The following KCNIP4 variants were observed in gnomAD, a reference collection of about 807,000 sequenced individuals.
The protein encoded by KCNIP4 is potassium voltage-gated channel interacting protein 4, also known as Kv channel-interacting protein 4.
In KCNIP4, 12 loss-of-function variants were observed where a neutral mutation model predicts 34.0. The ratio of observed to expected loss-of-function variants is 0.35; its 90% CI spans 0.23 to 0.57. The LOEUF is 0.57. KCNIP4 is among the 20% of genes least tolerant of loss of function. KCNIP4 has a pLI of 0.83. For missense variants in KCNIP4, 238 were observed against 311.7 expected (o/e 0.76, Z 1.78); for synonymous variants, 124 against 102.2 (o/e 1.21, Z -1.29).
intron 1 of KCNIP4, among the ~76,000 whole-genome samples, chr4:21,312,792 C>T (rs934297105): frequency 7.2e-5 from 11 of 152,122 alleles, no homozygotes; most frequent in African/African-American, 2.7e-4. Context: ...TGTGAATGAT[C>T]CCACACTTTT....
chr4:21,765,039 T>C lies in KCNIP4; in HGVS notation c.61+183532A>G, dbSNP rs151241118. Among the ~76,000 whole-genome samples, 298 of 152,190 alleles carry C rather than the reference T, an allele frequency of 2.0e-3. 1 individual carries two copies. The highest frequency in any genetic ancestry group is 6.6e-3 in the African/African-American group (273 of 41,532). ...CCTAGTGTTTCCTCCCCAAATTAAA[T>C]TGAGCTACTCTCAGGGAGTATACAC... On this transcript the variant is annotated intron_variant, in intron 1 of 8. Coordinates refer to ENST00000382152, the MANE Select transcript of KCNIP4 (RefSeq NM_025221.6).
chr4:21,458,115 G>C (rs1263673131), intron 1 of KCNIP4, among the ~76,000 whole-genome samples: 8 of 149,654 alleles, frequency 5.3e-5, no homozygotes, highest in African/African-American at 2.0e-4. Flanking sequence ...CTAGCATTAG[G>C]TATATCTCCC....
chr4:21,694,713 T>C (rs901557931), intron 1 of KCNIP4, among the ~76,000 whole-genome samples: 4 of 151,994 alleles, frequency 2.6e-5, no homozygotes, highest in African/African-American at 9.7e-5. Context: ...CTGTAACTTG[T>C]GATAACACTA....
intron 1 of KCNIP4, among the ~76,000 whole-genome samples, chr4:21,272,959 C>T (rs1578001018): frequency 6.6e-6 from 1 of 152,070 alleles, no homozygotes; most frequent in African/African-American, 2.4e-5. Context: ...TGAGATGAAG[C>T]ATTTTAGTGG....
chr4:21,103,235 C>A (rs924756970), intron 1 of KCNIP4, among the ~76,000 whole-genome samples: 1 of 149,642 alleles, frequency 6.7e-6, no homozygotes, highest in South Asian at 2.1e-4. Flanking sequence ...TTTCTTGATC[C>A]ATCAAAGTTA....
chr4:21,085,811 A>G (rs1195939295), intron 1 of KCNIP4, among the ~76,000 whole-genome samples: 1 of 152,218 alleles, frequency 6.6e-6, no homozygotes, highest in Non-Finnish European at 1.5e-5. Flanking sequence ...GTTCACACGT[A>G]TGCTAGGACA....
At chr4:20,810,054 GT>G (rs1273297210) in intron 3 of KCNIP4, among the ~76,000 whole-genome samples, 1 of 152,184 alleles carries the variant, frequency 6.6e-6, no homozygotes, top group Non-Finnish European at 1.5e-5. Context: ...TCAGGCCAAG[GT>G]GAGCACTCTG....
chr4:21,510,937 G>A (rs1231419078), intron 1 of KCNIP4, among the ~76,000 whole-genome samples: 1 of 152,120 alleles, frequency 6.6e-6, no homozygotes, highest in Non-Finnish European at 1.5e-5. Context: ...CCAGCTACTA[G>A]GGAGGCTGAG....
chr4:21,283,050 C>A (rs1357864744), intron 1 of KCNIP4, among the ~76,000 whole-genome samples: 2 of 152,032 alleles, frequency 1.3e-5, no homozygotes, highest in African/African-American at 4.8e-5. Flanking sequence ...GTCACAAATG[C>A]TAAGTAAAAA....
At chr4:21,207,714 C>T (rs1756939250) in intron 1 of KCNIP4, among the ~76,000 whole-genome samples, 1 of 152,086 alleles carries the variant, frequency 6.6e-6, no homozygotes, top group Non-Finnish European at 1.5e-5. Context: ...TAAAGCAATA[C>T]ACCTCTTAAA....
intron 3 of KCNIP4, among the ~76,000 whole-genome samples, chr4:20,810,378 G>A (rs1478056411): frequency 6.7e-6 from 1 of 149,896 alleles, no homozygotes; most frequent in Non-Finnish European, 1.5e-5. Flanking sequence ...AAGGCAATAT[G>A]TTTTAGTGGG....
At chr4:21,482,212 C>T (rs1335927727) in intron 1 of KCNIP4, among the ~76,000 whole-genome samples, 3 of 152,048 alleles carry the variant, frequency 2.0e-5, no homozygotes, top group African/African-American at 7.2e-5. Context: ...TGTCTCTGCA[C>T]GTGAGATGGG....
chr4:21,519,748 C>CGTGT (rs1194087726), intron 1 of KCNIP4, among the ~76,000 whole-genome samples: 1 of 114,730 alleles, frequency 8.7e-6, no homozygotes, highest in South Asian at 3.2e-4. Context: ...ATGATACACA[C>CGTGT]GTGTGTGTAT....
At chr4:20,927,191 C>G (rs954759894) in intron 1 of KCNIP4, among the ~76,000 whole-genome samples, 26 of 152,138 alleles carry the variant, frequency 1.7e-4, no homozygotes, top group African/African-American at 6.3e-4. Context: ...ATTGGCCAGG[C>G]TGGTCTTGAA....
intron 1 of KCNIP4, among the ~76,000 whole-genome samples, chr4:21,715,275 G>A (rs1399390891): frequency 6.6e-6 from 1 of 151,378 alleles, no homozygotes; most frequent in Non-Finnish European, 1.5e-5. Flanking sequence ...GGGACTACAG[G>A]CGCCCGCCAT....
chr4:21,587,582 A>G (rs1161713879), intron 1 of KCNIP4, among the ~76,000 whole-genome samples: 1 of 152,044 alleles, frequency 6.6e-6, no homozygotes, highest in Non-Finnish European at 1.5e-5. Flanking sequence ...CACAACAGTA[A>G]TAATGGCTAA....
chr4:21,450,807 C>G lies in KCNIP4; in HGVS notation c.61+497764G>C, dbSNP rs192742592. Among the ~76,000 whole-genome samples the G allele has an allele frequency of 3.4e-4, 52 of 152,164 alleles. No homozygotes were observed. The East Asian group carries it at 4.4e-3, about 13-fold the overall frequency. Reference sequence around the variant, plus strand: ...AAGTATTATAAGAACCAAATATAAGCACGTGCAGATACTTTGAAAAGTTTA... The same window carrying G: ...AAGTATTATAAGAACCAAATATAAGGACGTGCAGATACTTTGAAAAGTTTA... On this transcript the variant is annotated intron_variant, in intron 1 of 8. Transcript: ENST00000382152.
chr4:20,758,987 G>A, intron 3 of KCNIP4, 97 bp from the exon 4 acceptor site: 1 of 854,432 alleles, frequency 1.2e-6, no homozygotes, highest in East Asian at 2.5e-5. Context: ...ATGCAAAGCT[G>A]CACCAAGAAA....
In KCNIP4 at chr4:21,869,767, T is replaced by TAGAC. The variant is rs1186538163; in HGVS notation, c.61+78803_61+78804insGTCT. Among the ~76,000 whole-genome samples the TAGAC allele has an allele frequency of 7.1e-5, 10 of 140,382 alleles. No individual in the cohort carries two copies. In the South Asian group the frequency reaches 9.5e-4, roughly 13 times the overall value. The allele number at this position is 140,382 out of a possible 152,430, so 92.1% of individuals were successfully genotyped here. A position where few individuals can be genotyped will look rare whatever the true frequency, so the allele number is the denominator to read the frequency against. ...ATAGATAGATAGATAGATAGATAGA[T>TAGAC]AGATAGATAGATAGATAGACAGACA... On this transcript the variant is annotated intron_variant, in intron 1 of 8. Coordinates refer to ENST00000382152, the MANE Select transcript of KCNIP4 (RefSeq NM_025221.6).
Sources: allele counts gnomAD v4.1 joint callset (sites outside exome capture counted in the v4.1 genomes callset), GRCh38; gene constraint gnomAD v4.1.1; transcripts MANE v1.5; gene names NCBI Gene and HGNC (gene_info 2026-07-23, HGNC 2026-07-21).